The following CFAP43 variants were observed in gnomAD, a reference collection of about 807,000 sequenced individuals.
The protein encoded by CFAP43 is cilia and flagella associated protein 43.
Under a neutral mutation model 218.9 loss-of-function variants are expected in CFAP43, and 155 were observed. The observed-to-expected ratio is 0.71, with a 90% CI of 0.62 to 0.81. The LOEUF is 0.81. Among genes scored for constraint, CFAP43 ranks in the 30% least tolerant of loss-of-function variants. The pLI is 0.00. For synonymous variants in CFAP43, 645 were observed against 681.3 expected (o/e 0.95, Z 0.83); for missense variants, 1,778 against 1,954.3 (o/e 0.91, Z 1.70).
chr10:104,219,280 C>T (rs1420224758), intron 3 of CFAP43, among the ~76,000 whole-genome samples: 2 of 152,104 alleles, frequency 1.3e-5, no homozygotes, highest in Non-Finnish European at 2.9e-5. Context: ...TCTCATGATG[C>T]TACCTCCTAA....
intron 12 of CFAP43, 113 bp from the exon 13 acceptor site, chr10:104,188,523 T>C: frequency 7.5e-7 from 1 of 1,331,694 alleles, no homozygotes; most frequent in Non-Finnish European, 1.0e-6. Flanking sequence ...ATCTTTAGAA[T>C]CAAATTATTT....
At chr10:104,169,942 A>G (rs2089337585) in intron 20 of CFAP43, among the ~76,000 whole-genome samples, 1 of 152,106 alleles carries the variant, frequency 6.6e-6, no homozygotes, top group South Asian at 2.1e-4. Flanking sequence ...TAATGTGTCC[A>G]GATTGTCATT....
intron 27 of CFAP43, among the ~76,000 whole-genome samples, chr10:104,158,286 C>T (rs2088682546): frequency 6.6e-6 from 1 of 152,152 alleles, no homozygotes; most frequent in Non-Finnish European, 1.5e-5. Context: ...TTAGTTATTA[C>T]ACACGAAGGA....
chr10:104,163,622 A>G (rs551707296), intron 24 of CFAP43, among the ~76,000 whole-genome samples: 20 of 152,126 alleles, frequency 1.3e-4, no homozygotes, highest in Non-Finnish European at 2.5e-4. Context: ...CTGGAGCTCC[A>G]CTGGCCTCGT....
rs200403983 is a variant in CFAP43, at chr10:104,164,221, C to A, written c.3119G>T (p.Arg1040Leu). The A allele has an allele frequency of 1.9e-6, 3 of 1,613,760 alleles. No homozygotes were observed. Among genetic ancestry groups the A allele is most frequent in the Non-Finnish European group, 2.5e-6 (3 of 1,179,916 alleles). The change falls in exon 24 of 38, where the codon CGC (arginine) becomes CTC (leucine). Residue 1040 changes from arginine to leucine, a missense_variant. By Grantham distance (102) the Arg-to-Leu change is moderately radical. Transcript: ENST00000357060. ...AATTCGAACATTTCTTTCCTTCACGCGTGCAATTTCAAACTCTTTTTGTTT... is the reference window on the plus strand; with the variant it reads ...AATTCGAACATTTCTTTCCTTCACGAGTGCAATTTCAAACTCTTTTTGTTT... The part of the protein sequence containing the change: ...AYKQKEFEIA[R>L]VKERNVRIRE...
At chr10:104,146,371 T>C (rs1239256221) in intron 29 of CFAP43, 22 bp from the exon 30 acceptor site, 1 of 1,600,552 alleles carries the variant, frequency 6.2e-7, no homozygotes, top group Admixed American at 1.7e-5. Context: ...TCAGGAATAG[T>C]TGATTGAAAC....
intron 8 of CFAP43, among the ~76,000 whole-genome samples, chr10:104,198,299 T>C (rs748005292): frequency 2.6e-5 from 4 of 152,214 alleles, no homozygotes; most frequent in Non-Finnish European, 4.4e-5. Flanking sequence ...AATTAATTTT[T>C]GAGACAAAGT....
chr10:104,227,326 G>T (rs2135014047), intron 2 of CFAP43, among the ~76,000 whole-genome samples: 1 of 152,212 alleles, frequency 6.6e-6, no homozygotes, highest in East Asian at 1.9e-4. Flanking sequence ...GTCTTGAAGT[G>T]AGTATACTGG....
Position 104,190,115 on chromosome 10 carries a change from G to A in CFAP43, c.1547-1705C>T, listed in dbSNP as rs187418212. 2.4e-3 allele frequency among the ~76,000 whole-genome samples: 304 copies of A among 125,932 alleles called. 8 individuals carry two copies. The East Asian group carries it at 0.047, about 19-fold the overall frequency. 82.6% of individuals were successfully genotyped at this position (125,932 alleles called of 152,430 possible). On this transcript the variant is annotated intron_variant, in intron 12 of 37. Coordinates refer to ENST00000357060, the MANE Select transcript of CFAP43 (RefSeq NM_025145.7). ...CACGCCACTGCACTCCAGCCTGGGC[G>A]ACAGAGCGAGACTCCATCTCAAAAA...
chr10:104,164,730 T>C (rs947364766), intron 23 of CFAP43, among the ~76,000 whole-genome samples: 9 of 152,316 alleles, frequency 5.9e-5, no homozygotes, highest in Admixed American at 5.2e-4. Flanking sequence ...GTAAAATGAA[T>C]CTTTCTAGAA....
At chr10:104,196,545 A>G (rs1031696748) in intron 10 of CFAP43, among the ~76,000 whole-genome samples, 2 of 152,220 alleles carry the variant, frequency 1.3e-5, no homozygotes, top group African/African-American at 4.8e-5. Context: ...GAGACTGTGC[A>G]AGAGGGACCC....
intron 11 of CFAP43, 159 bp downstream of exon 11, chr10:104,193,707 A>G (rs1455936142): frequency 4.0e-6 from 4 of 1,005,928 alleles, no homozygotes; most frequent in Non-Finnish European, 5.6e-6. Flanking sequence ...TTTACTACAC[A>G]GCCCTCTGTA....
intron 3 of CFAP43, among the ~76,000 whole-genome samples, chr10:104,217,627 C>A (rs2091052055): frequency 6.6e-6 from 1 of 152,192 alleles, no homozygotes; most frequent in Non-Finnish European, 1.5e-5. Flanking sequence ...TGAAAACACA[C>A]TTTGTAGCTT....
intron 31 of CFAP43, 74 bp from the exon 32 acceptor site, chr10:104,143,713 T>C: frequency 1.4e-6 from 2 of 1,397,164 alleles, no homozygotes; most frequent in South Asian, 2.5e-5. Flanking sequence ...ATTAGGCCCT[T>C]AGCACAGGCA....
chr10:104,184,001 T>C (rs1418803505), intron 16 of CFAP43, among the ~76,000 whole-genome samples: 1 of 152,218 alleles, frequency 6.6e-6, no homozygotes, highest in South Asian at 2.1e-4. Context: ...ATTTTCACAA[T>C]GTTGCAGAGA....
At chr10:104,229,632 C>T (rs2091395903) in intron 2 of CFAP43, among the ~76,000 whole-genome samples, 1 of 152,152 alleles carries the variant, frequency 6.6e-6, no homozygotes, top group Admixed American at 6.5e-5. Context: ...CCACTGCACT[C>T]CAGCCTGGGT....
intron 28 of CFAP43, among the ~76,000 whole-genome samples, chr10:104,151,157 AG>A (rs2088236802): frequency 6.6e-6 from 1 of 152,180 alleles, no homozygotes; most frequent in South Asian, 2.1e-4. Context: ...ATGGGCATTT[AG>A]GTTGATTCCA....
rs74154750 is a variant in CFAP43 at position 104,194,499 on chromosome 10, C to T, written c.1294-485G>A. Among the ~76,000 whole-genome samples the T allele has an allele frequency of 6.0e-3, 912 of 152,160 alleles. 13 individuals are homozygous for T. Among genetic ancestry groups the T allele is most frequent in the African/African-American group, 0.021 (858 of 41,508 alleles). ...ATCCTACTGTGTCAGCCTGCCGAGT[C>T]GCTGGGATTACAGGTTCAAACCACC... On this transcript the variant is annotated intron_variant, in intron 10 of 37. Transcript: ENST00000357060.
intron 3 of CFAP43, chr10:104,218,809 G>A (rs1177673154): frequency 1.8e-6 from 1 of 546,996 alleles, no homozygotes; most frequent in African/African-American, 1.9e-5. Context: ...CTGTTCCTAG[G>A]GTGTTGCCCT....
Sources: gnomAD v4.1 joint callset for allele counts (sites outside exome capture counted in the v4.1 genomes callset) on GRCh38, gnomAD v4.1.1 for gene constraint, MANE v1.5 for transcripts, NCBI Gene and HGNC (gene_info 2026-07-23, HGNC 2026-07-21) for gene names.